RTKN2: variants seen among roughly 807,000 people sequenced by gnomAD.
RTKN2 encodes the protein rhotekin-2.
Under a neutral mutation model 71.5 loss-of-function variants are expected in RTKN2, and 69 were observed. The ratio of observed to expected loss-of-function variants is 0.96; its 90% CI spans 0.79 to 1.18. RTKN2 has a LOEUF of 1.18. RTKN2 is among the 50% of genes most tolerant of loss of function. RTKN2 has a pLI of 0.00. For missense variants in RTKN2, 724 were observed against 719.7 expected (o/e 1.01, Z -0.07); for synonymous variants, 236 against 236.5 (o/e 1.00, Z 0.02).
intron 6 of RTKN2, among the ~76,000 whole-genome samples, chr10:62,225,134 C>G (rs1180792305): frequency 1.3e-5 from 2 of 152,220 alleles, no homozygotes; most frequent in African/African-American, 4.8e-5. Flanking sequence ...TCTAGCAGCT[C>G]TAACCTGCAT....
In RTKN2 at chr10:62,198,224, G is replaced by C. The variant is rs1157731285; in HGVS notation, c.1514C>G (p.Pro505Arg). The change falls in exon 12 of 12, where the codon CCC becomes CGC. Residue 505 changes from proline to arginine, a missense_variant. Transcript: ENST00000373789. Reference sequence around the variant, plus strand: ...TGGAAGTTTATCAGAAGGAGGAAGGGGAGCTTGTCTCTTTTTCCCTTTTTC... The same window carrying C: ...TGGAAGTTTATCAGAAGGAGGAAGGCGAGCTTGTCTCTTTTTCCCTTTTTC... Reference protein sequence around the residue: ...HDEKGKKRQAPLPPSDKLPFS... With the variant: ...HDEKGKKRQARLPPSDKLPFS... 6.2e-7 allele frequency: 1 copy of C among 1,613,954 alleles called. No homozygotes were observed. The highest frequency in any genetic ancestry group is 1.7e-5 in the Admixed American group (1 of 59,992).
intron 6 of RTKN2, among the ~76,000 whole-genome samples, chr10:62,229,749 T>G (rs1409895988): frequency 6.6e-6 from 1 of 152,210 alleles, no homozygotes; most frequent in African/African-American, 2.4e-5. Flanking sequence ...ACTAAAATTA[T>G]GTGATAACCA....
chr10:62,243,472 G>C (rs1039115791), intron 3 of RTKN2, among the ~76,000 whole-genome samples: 5 of 152,004 alleles, frequency 3.3e-5, no homozygotes, highest in Admixed American at 2.6e-4. Flanking sequence ...AGGATTAACA[G>C]AGCATTAACT....
chr10:62,230,910 T>C (rs1455133549), intron 6 of RTKN2, among the ~76,000 whole-genome samples: 2 of 152,354 alleles, frequency 1.3e-5, no homozygotes, highest in Non-Finnish European at 2.9e-5. Context: ...CTATTAACCT[T>C]TGAATTTACC....
chr10:62,244,387 A>G (rs1322251435), intron 3 of RTKN2, among the ~76,000 whole-genome samples: 2 of 152,190 alleles, frequency 1.3e-5, no homozygotes, highest in Non-Finnish European at 1.5e-5. Context: ...AATTGTGGGC[A>G]GGAAATAGTT....
At chr10:62,209,347 G>GTATC (rs1441694019) in intron 9 of RTKN2, among the ~76,000 whole-genome samples, 1 of 151,856 alleles carries the variant, frequency 6.6e-6, no homozygotes, top group Non-Finnish European at 1.5e-5. Context: ...AAACCCTGCA[G>GTATC]GATAAAAGAT....
intron 8 of RTKN2, among the ~76,000 whole-genome samples, chr10:62,186,687 G>A (rs776713485): frequency 1.4e-4 from 22 of 152,140 alleles, no homozygotes; most frequent in Admixed American, 6.5e-5. Flanking sequence ...ATACAATTCT[G>A]CTGCTAAAAG....
At chr10:62,214,962 C>T in intron 9 of RTKN2, 1 of 703,176 alleles carries the variant, frequency 1.4e-6, no homozygotes, top group South Asian at 2.0e-5. Flanking sequence ...ATCTCTGAGA[C>T]TATTTCTTCA....
Position 62,195,606 on chromosome 10 carries a change from TGAAGGAAGGAAGGAAGGAAGGAAG to T in RTKN2, c.*2278_*2301del, listed in dbSNP as rs3835074. On this transcript the variant is annotated 3_prime_UTR_variant, in exon 12 of 12. Coordinates refer to ENST00000373789, the MANE Select transcript of RTKN2 (RefSeq NM_145307.4). The stretch of plus-strand genomic sequence containing the variant: ...GGGAAGGAGAGACGGACAGAGGGAA[TGAAGGAAGGAAGGAAGGAAGGAAG>T]GAAGGAAGGAAGGAAGGAAGGAAGG... 1,297 of 302,794 alleles carry T rather than the reference TGAAGGAAGGAAGGAAGGAAGGAAG, an allele frequency of 4.3e-3. 51 individuals carry two copies. The highest frequency in any genetic ancestry group is 0.026 in the African/African-American group (924 of 36,068). The allele number at this position is 302,794 out of a possible 1,614,324, so 18.8% of individuals were successfully genotyped here. A position where few individuals can be genotyped will look rare whatever the true frequency, so the allele number is the denominator to read the frequency against.
rs1841372255 is a variant in RTKN2, at chr10:62,198,279, G to C, written c.1459C>G (p.Leu487Val). Reference protein sequence around the residue: ...NHQMVIQKKVLYPASEPLHDE... With the variant: ...NHQMVIQKKVVYPASEPLHDE... The stretch of plus-strand genomic sequence containing the variant: ...TGTAATGGCTCACTTGCAGGATACA[G>C]TACCTTTTTCTGGATGACCATTTGA... Residue 487 changes from leucine to valine, a missense_variant, in exon 12 of 12, where the codon CTG becomes GTG. Physicochemically the swap from Leu to Val is conservative, Grantham distance 32. Coordinates refer to ENST00000373789, the MANE Select transcript of RTKN2 (RefSeq NM_145307.4). 1.2e-6 allele frequency: 2 copies of C among 1,613,864 alleles called. No homozygotes were observed. The highest frequency in any genetic ancestry group is 4.5e-5 in the East Asian group (2 of 44,884).
intron 1 of RTKN2, among the ~76,000 whole-genome samples, chr10:62,265,196 T>C (rs550382954): frequency 6.6e-6 from 1 of 152,218 alleles, no homozygotes; most frequent in Admixed American, 6.5e-5. Context: ...GATACTACTA[T>C]TAAGATTTTT....
At chr10:62,251,979 G>T (rs1226243278) in intron 2 of RTKN2, among the ~76,000 whole-genome samples, 1 of 152,006 alleles carries the variant, frequency 6.6e-6, no homozygotes, top group Non-Finnish European at 1.5e-5. Context: ...ATCAGAAAGT[G>T]ATAGACACAG....
At chr10:62,200,156 G>A (rs1444415546) in intron 10 of RTKN2, among the ~76,000 whole-genome samples, 2 of 151,894 alleles carry the variant, frequency 1.3e-5, no homozygotes, top group Non-Finnish European at 2.9e-5. Flanking sequence ...CTGAGGTCAG[G>A]AGTCTTGACC....
At chr10:62,219,788 A>C (rs2132902433) in intron 7 of RTKN2, among the ~76,000 whole-genome samples, 1 of 149,430 alleles carries the variant, frequency 6.7e-6, no homozygotes, top group Middle Eastern at 3.5e-3. Context: ...TCTCTAATTA[A>C]AAAAAAAAAA....
rs1842836192 is a variant in RTKN2, at chr10:62,264,613, G to A, written c.61-1792C>T. On this transcript the variant is annotated intron_variant, in intron 1 of 11. Transcript: ENST00000373789. ...GAGCAACCTAAAGCTGGGATGAATA[G>A]CTTTACCCCACAACTCAAATATAAA... Among the ~76,000 whole-genome samples the A allele has an allele frequency of 2.0e-5, 3 of 152,196 alleles. No individual in the cohort carries two copies. In the South Asian group the frequency reaches 6.2e-4, roughly 31 times the overall value.
At chr10:62,267,188 T>A (rs1223191615) in intron 1 of RTKN2, among the ~76,000 whole-genome samples, 2 of 152,212 alleles carry the variant, frequency 1.3e-5, no homozygotes, top group African/African-American at 4.8e-5. Context: ...TTTCAATCAT[T>A]TTGATTTTGT....
At position 62,197,803 on chromosome 10, in the gene RTKN2, A is replaced by G. The variant is rs1841358434; in HGVS notation, c.*105T>C. 7.0e-7 allele frequency: 1 copy of G among 1,435,808 alleles called. No homozygotes were observed. Among genetic ancestry groups the G allele is most frequent in the African/African-American group, 1.4e-5 (1 of 69,454 alleles). The allele number at this position is 1,435,808 out of a possible 1,614,324, so 88.9% of individuals were successfully genotyped here. ...ACCTAATAGCTTATTAATTATTGGT[A>G]TAAATCACTATATTTACCTATATAA... On this transcript the variant is annotated 3_prime_UTR_variant, in exon 12 of 12. Coordinates refer to ENST00000373789, the MANE Select transcript of RTKN2 (RefSeq NM_145307.4).
intron 9 of RTKN2, among the ~76,000 whole-genome samples, chr10:62,208,370 T>C (rs978175997): frequency 6.6e-6 from 1 of 150,904 alleles, no homozygotes; most frequent in Admixed American, 6.6e-5. Flanking sequence ...ACTCTCAGCC[T>C]GGGCCAGGAA....
intron 6 of RTKN2, among the ~76,000 whole-genome samples, chr10:62,233,540 G>A (rs1161611660): frequency 2.6e-5 from 4 of 151,670 alleles, no homozygotes; most frequent in South Asian, 2.1e-4. Flanking sequence ...TGATTCACGG[G>A]TCATGAAATC....
Sources: allele counts gnomAD v4.1 joint callset (sites outside exome capture counted in the v4.1 genomes callset), GRCh38; gene constraint gnomAD v4.1.1; transcripts MANE v1.5; gene names NCBI Gene and HGNC (gene_info 2026-07-23, HGNC 2026-07-21).